Variants in PCDH7 observed in about 807,000 individuals in gnomAD.
PCDH7 encodes protocadherin 7, also known as protocadherin-7.
Under a neutral mutation model 58.9 loss-of-function variants are expected in PCDH7, and 17 were observed. The ratio of observed to expected loss-of-function variants is 0.29; its 90% CI spans 0.20 to 0.43. The LOEUF (loss-of-function observed/expected upper bound fraction) is 0.43, where lower values mean the gene tolerates loss of function less well. PCDH7 is among the 20% of genes least tolerant of loss of function. The pLI, the probability that PCDH7 is intolerant of heterozygous loss-of-function variation, is 1.00. For missense variants in PCDH7, 1,274 were observed against 1,441.0 expected (o/e 0.88, Z 1.88); for synonymous variants, 664 against 616.4 (o/e 1.08, Z -1.14).
At chr4:30,724,546 G>A (rs1714337374) in exon 1 of PCDH7, 1 of 1,614,006 alleles carries the variant, frequency 6.2e-7, no homozygotes, top group Admixed American at 1.7e-5. Flanking sequence ...AATTGGATCA[G>A]ATCACTGCTC....
At chr4:31,077,851 C>T (rs1395948033) in intron 3 of PCDH7, among the ~76,000 whole-genome samples, 1 of 152,162 alleles carries the variant, frequency 6.6e-6, no homozygotes, top group African/African-American at 2.4e-5. Flanking sequence ...GGTCCACTGA[C>T]TGACTCCTAA....
downstream of PCDH7, chr4:31,145,917 A>G (rs550977848): frequency 3.3e-5 from 5 of 152,068 alleles, no homozygotes; most frequent in Non-Finnish European, 5.9e-5. Context: ...TATAAACCAT[A>G]TTTGTTTTCT....
intron 3 of PCDH7, among the ~76,000 whole-genome samples, chr4:30,968,958 G>A (rs1749295374): frequency 6.6e-6 from 1 of 152,006 alleles, no homozygotes; most frequent in Admixed American, 6.6e-5. Flanking sequence ...CACTTTCTAT[G>A]AACTTATGTA....
chr4:30,936,669 TATC>T (rs760570742), intron 2 of PCDH7, among the ~76,000 whole-genome samples: 35 of 152,172 alleles, frequency 2.3e-4, no homozygotes, highest in Non-Finnish European at 3.5e-4. Flanking sequence ...ATATTTATGT[TATC>T]ATCAAGAACC....
intron 3 of PCDH7, among the ~76,000 whole-genome samples, chr4:31,069,337 T>G (rs1251683709): frequency 1.3e-5 from 2 of 151,872 alleles, no homozygotes; most frequent in Admixed American, 6.6e-5. Flanking sequence ...TCATTTGCTT[T>G]GCTGAAATAA....
intron 3 of PCDH7, among the ~76,000 whole-genome samples, chr4:31,112,965 G>GATA (rs1716508707): frequency 6.6e-6 from 1 of 152,050 alleles, no homozygotes; most frequent in African/African-American, 2.4e-5. Context: ...CAGTATAATT[G>GATA]CTCAGATCCT....
chr4:30,799,214 A>G (rs1044965146), intron 1 of PCDH7, among the ~76,000 whole-genome samples: 10 of 152,210 alleles, frequency 6.6e-5, no homozygotes, highest in African/African-American at 2.4e-4. Flanking sequence ...CTTGCAATCA[A>G]GAAAATTCAG....
intron 3 of PCDH7, among the ~76,000 whole-genome samples, chr4:31,016,870 A>G (rs200467044): frequency 1.8e-5 from 2 of 111,154 alleles, no homozygotes; most frequent in Admixed American, 8.8e-5. Context: ...GTGTGTGCTG[A>G]GTGTGTGTGC....
intron 3 of PCDH7, among the ~76,000 whole-genome samples, chr4:30,965,392 A>G (rs1446756642): frequency 6.6e-6 from 1 of 152,062 alleles, no homozygotes; most frequent in Non-Finnish European, 1.5e-5. Flanking sequence ...AATTTTAGAG[A>G]ACAAGAAATT....
intron 1 of PCDH7, among the ~76,000 whole-genome samples, chr4:30,892,278 A>C (rs1738713683): frequency 6.6e-6 from 1 of 152,076 alleles, no homozygotes; most frequent in South Asian, 2.1e-4. Flanking sequence ...GGTATGAAGC[A>C]CCTCTCTATA....
intron 2 of PCDH7, among the ~76,000 whole-genome samples, chr4:30,937,336 G>A (rs1431910723): frequency 6.6e-6 from 1 of 151,968 alleles, no homozygotes; most frequent in African/African-American, 2.4e-5. Flanking sequence ...TTTCAAAACT[G>A]CTAGATAATC....
chr4:30,832,627 T>A lies in PCDH7; in HGVS notation c.71-87526T>A, dbSNP rs192311417. Among the ~76,000 whole-genome samples the A allele has an allele frequency of 1.6e-3, 239 of 152,294 alleles. 1 individual carries two copies. Among genetic ancestry groups the A allele is most frequent in the African/African-American group, 5.4e-3 (226 of 41,574 alleles). ...AGTAAAAATTTATCCCCTCTGTGTG[T>A]TTGTGCATGCACTTGTGCTCCTGCA... On this transcript the variant is annotated intron_variant, in intron 1 of 3. Transcript: ENST00000509759.
At chr4:30,998,251 C>T (rs1040348566) in intron 3 of PCDH7, among the ~76,000 whole-genome samples, 3 of 152,058 alleles carry the variant, frequency 2.0e-5, no homozygotes, top group South Asian at 2.1e-4. Context: ...TAGATGAAAA[C>T]CAGAATGTTA....
intron 3 of PCDH7, among the ~76,000 whole-genome samples, chr4:31,013,070 C>T (rs1254545637): frequency 6.7e-6 from 1 of 149,642 alleles, no homozygotes; most frequent in Non-Finnish European, 1.5e-5. Flanking sequence ...GGCTGTAGTC[C>T]CAAATACTCT....
intron 2 of PCDH7, among the ~76,000 whole-genome samples, chr4:30,933,466 T>A (rs1744939993): frequency 6.6e-6 from 1 of 152,204 alleles, no homozygotes; most frequent in South Asian, 2.1e-4. Flanking sequence ...CAATCTTGTG[T>A]CTCTAACTTA....
intron 3 of PCDH7, among the ~76,000 whole-genome samples, chr4:31,056,736 C>T (rs373043211): frequency 2.9e-4 from 44 of 149,752 alleles, no homozygotes; most frequent in Non-Finnish European, 4.3e-4. Context: ...GAAAGAGAAA[C>T]GAAAGCAAAG....
At chr4:30,735,728 A>C (rs1716157826), downstream of PCDH7, among the ~76,000 whole-genome samples, 1 of 152,050 alleles carries the variant, frequency 6.6e-6, no homozygotes, top group African/African-American at 2.4e-5. Flanking sequence ...GGAGTTGGGG[A>C]GGTAGGGTGA....
chr4:30,997,309 A>C (rs1751985534), intron 3 of PCDH7, among the ~76,000 whole-genome samples: 1 of 152,202 alleles, frequency 6.6e-6, no homozygotes, highest in African/African-American at 2.4e-5. Flanking sequence ...GTGATATGGC[A>C]GGAAAGGAAA....
At chr4:31,133,354 C>A (rs995155169) in intron 3 of PCDH7, among the ~76,000 whole-genome samples, 5 of 151,850 alleles carry the variant, frequency 3.3e-5, no homozygotes, top group Non-Finnish European at 7.4e-5. Context: ...ATATAATTCC[C>A]GAGCAAGTAA....
Sources: gnomAD v4.1 joint callset for allele counts (sites outside exome capture counted in the v4.1 genomes callset) on GRCh38, gnomAD v4.1.1 for gene constraint, MANE v1.5 for transcripts, NCBI Gene and HGNC (gene_info 2026-07-23, HGNC 2026-07-21) for gene names.